Variants in ITFG1 observed in about 807,000 individuals in gnomAD.
ITFG1 encodes integrin alpha FG-GAP repeat containing 1.
ITFG1 carries 34 observed loss-of-function variants against 81.8 expected under a neutral mutation model. That is an observed-to-expected ratio of 0.42 (90% CI 0.32 to 0.55). The LOEUF is 0.55. Among genes scored for constraint, ITFG1 ranks in the 20% least tolerant of loss-of-function variants. ITFG1 has a pLI of 0.17. For synonymous variants in ITFG1, 285 were observed against 270.6 expected (o/e 1.05, Z -0.52); for missense variants, 672 against 755.4 (o/e 0.89, Z 1.29).
intron 8 of ITFG1, among the ~76,000 whole-genome samples, chr16:47,357,614 CAAAAAAA>C (rs75054901): frequency 3.3e-5 from 2 of 61,142 alleles, no homozygotes; most frequent in African/African-American, 1.1e-4. Flanking sequence ...GACTCCGTCT[CAAAAAAA>C]AAAAAAAAAA....
At chr16:47,416,915 A>G (rs544120683) in intron 6 of ITFG1, among the ~76,000 whole-genome samples, 1 of 152,328 alleles carries the variant, frequency 6.6e-6, no homozygotes, top group Non-Finnish European at 1.5e-5. Flanking sequence ...AATTGGCCAA[A>G]TTCTTAGCTA....
intron 8 of ITFG1, among the ~76,000 whole-genome samples, chr16:47,325,572 G>A (rs932476350): frequency 7.9e-5 from 12 of 152,124 alleles, no homozygotes; most frequent in Middle Eastern, 3.4e-3. Flanking sequence ...TTGATAGACT[G>A]CTAGCAAGAC....
At chr16:47,222,958 A>G (rs1965711822) in intron 13 of ITFG1, among the ~76,000 whole-genome samples, 1 of 152,066 alleles carries the variant, frequency 6.6e-6, no homozygotes, top group African/African-American at 2.4e-5. Context: ...GATCTTTGAC[A>G]AACCTGAGAA....
chr16:47,430,813 C>T (rs993034921), intron 5 of ITFG1, among the ~76,000 whole-genome samples: 4 of 152,246 alleles, frequency 2.6e-5, no homozygotes, highest in South Asian at 2.1e-4. Context: ...TGCATTTCTA[C>T]GCTTAGCTAT....
At chr16:47,389,276 A>T (rs1173354620) in intron 6 of ITFG1, among the ~76,000 whole-genome samples, 2 of 152,232 alleles carry the variant, frequency 1.3e-5, no homozygotes, top group East Asian at 3.8e-4. Context: ...TTATGTAGTT[A>T]AAAAAGACAG....
At chr16:47,251,324 T>C (rs1207800060) in intron 12 of ITFG1, among the ~76,000 whole-genome samples, 1 of 152,182 alleles carries the variant, frequency 6.6e-6, no homozygotes, top group Non-Finnish European at 1.5e-5. Flanking sequence ...AAGCCACCAC[T>C]TTGCTCAAAT....
intron 8 of ITFG1, among the ~76,000 whole-genome samples, chr16:47,336,661 G>A (rs557882352): frequency 6.6e-5 from 10 of 152,242 alleles, no homozygotes; most frequent in African/African-American, 2.4e-4. Context: ...AAAGCTAAGG[G>A]AAATTCGTTA....
rs143236200 is a variant in ITFG1 at position 47,274,002 on chromosome 16, T to A, written c.1071-13307A>T. ...CTGGGCGTGGTGGCTCACGCCTGTA[T>A]TCCCAGCACTTTGGGAGACCGAGGT... On this transcript the variant is annotated intron_variant, in intron 10 of 17. Coordinates refer to ENST00000320640, the MANE Select transcript of ITFG1 (RefSeq NM_030790.5). Among the ~76,000 whole-genome samples, 123 of 152,206 alleles carry A rather than the reference T, an allele frequency of 8.1e-4. 1 individual carries two copies. The highest frequency in any genetic ancestry group is 2.8e-3 in the African/African-American group (116 of 41,536).
chr16:47,293,179 C>CAAATGATATATATTATATATCATATAT (rs1567448148), intron 10 of ITFG1, among the ~76,000 whole-genome samples: 5 of 121,712 alleles, frequency 4.1e-5, no homozygotes, highest in African/African-American at 8.3e-5. Context: ...ATATCATATA[C>CAAATGATATATATTATATATCATATAT]AAATGATATA....
intron 10 of ITFG1, among the ~76,000 whole-genome samples, chr16:47,265,857 A>G (rs1329152684): frequency 6.6e-6 from 1 of 152,202 alleles, no homozygotes; most frequent in Non-Finnish European, 1.5e-5. Context: ...ATTGCCTCCA[A>G]TATAAAGATA....
chr16:47,260,716 A>T (rs908084110), intron 10 of ITFG1, 21 bp from the exon 11 acceptor site: 1 of 1,613,716 alleles, frequency 6.2e-7, no homozygotes, highest in East Asian at 2.2e-5. Context: ...AAGGAAAGGC[A>T]TTTCGTTAAT....
chr16:47,210,151 T>C (rs565863821), intron 14 of ITFG1, among the ~76,000 whole-genome samples: 16 of 152,346 alleles, frequency 1.1e-4, no homozygotes, highest in African/African-American at 3.4e-4. Flanking sequence ...TAAAACATTT[T>C]ACATTCACAC....
chr16:47,417,099 C>A (rs1968884780), intron 6 of ITFG1, among the ~76,000 whole-genome samples: 1 of 152,192 alleles, frequency 6.6e-6, no homozygotes. Flanking sequence ...GATGGCACTT[C>A]TTGTCATCTT....
intron 10 of ITFG1, among the ~76,000 whole-genome samples, chr16:47,285,371 C>A (rs899294669): frequency 1.3e-5 from 2 of 152,170 alleles, no homozygotes; most frequent in Non-Finnish European, 2.9e-5. Context: ...TCACCCTATG[C>A]CTCTCTTCAT....
intron 10 of ITFG1, among the ~76,000 whole-genome samples, chr16:47,309,573 T>C (rs1429765077): frequency 2.0e-5 from 3 of 152,226 alleles, no homozygotes; most frequent in Non-Finnish European, 4.4e-5. Context: ...CTACTTCTCA[T>C]CTGTGATGGA....
intron 5 of ITFG1, among the ~76,000 whole-genome samples, chr16:47,437,808 G>A (rs1018790350): frequency 2.6e-5 from 4 of 152,352 alleles, no homozygotes; most frequent in Admixed American, 2.0e-4. Context: ...TTCCAACTGA[G>A]GTACCGGGTA....
intron 13 of ITFG1, among the ~76,000 whole-genome samples, chr16:47,228,693 T>C (rs1965784024): frequency 6.6e-6 from 1 of 152,216 alleles, no homozygotes; most frequent in African/African-American, 2.4e-5. Context: ...ACTTGTCCTG[T>C]ACTTTGTCAG....
intron 14 of ITFG1, among the ~76,000 whole-genome samples, chr16:47,208,878 G>A (rs1965532011): frequency 6.6e-6 from 1 of 152,182 alleles, no homozygotes; most frequent in African/African-American, 2.4e-5. Context: ...TTCCTTCCAT[G>A]AGTACAATGC....
chr16:47,271,715 T>A (rs1966343176), intron 10 of ITFG1, among the ~76,000 whole-genome samples: 2 of 152,016 alleles, frequency 1.3e-5, no homozygotes, highest in Admixed American at 1.3e-4. Flanking sequence ...AACAATTAGC[T>A]GGGCGTGGTG....
Sources: gnomAD v4.1 joint callset for allele counts (sites outside exome capture counted in the v4.1 genomes callset) on GRCh38, gnomAD v4.1.1 for gene constraint, MANE v1.5 for transcripts, NCBI Gene and HGNC (gene_info 2026-07-23, HGNC 2026-07-21) for gene names.